The following KCND3 variants were observed in gnomAD, a reference collection of about 807,000 sequenced individuals.
KCND3 encodes potassium voltage-gated channel subfamily D member 3.
KCND3 carries 9 observed loss-of-function variants against 51.1 expected under a neutral mutation model. That is an observed-to-expected ratio of 0.18 (90% CI 0.11 to 0.31). The LOEUF (loss-of-function observed/expected upper bound fraction) is 0.31. Ranked by LOEUF, KCND3 falls within the 10% of genes least tolerant of loss-of-function variation. KCND3 has a pLI of 1.00. For missense variants in KCND3, 526 were observed against 903.8 expected, an observed-to-expected ratio of 0.58 and a Z score of 5.36; for synonymous variants, 349 against 368.0, an observed-to-expected ratio of 0.95 and a Z score of 0.59.
chr1:111,781,808 A>T (rs183419017), intron 3 of KCND3, among the ~76,000 whole-genome samples: 11 of 152,298 alleles, frequency 7.2e-5, no homozygotes, highest in Admixed American at 2.0e-4. Flanking sequence ...AACACATTAC[A>T]TATGCTGGCT....
chr1:111,879,814 T>C (rs1003138500), intron 2 of KCND3, among the ~76,000 whole-genome samples: 2 of 152,232 alleles, frequency 1.3e-5, no homozygotes, highest in Non-Finnish European at 2.9e-5. Flanking sequence ...GTTTCTGTAA[T>C]GCAGACTTGA....
At chr1:111,980,732 G>T (rs751352164) in intron 2 of KCND3, among the ~76,000 whole-genome samples, 5 of 152,128 alleles carry the variant, frequency 3.3e-5, no homozygotes, top group African/African-American at 4.8e-5. Flanking sequence ...TCCTGCTAGG[G>T]TGAAGACTGT....
intron 3 of KCND3, among the ~76,000 whole-genome samples, chr1:111,784,103 T>TCACACACACACACA (rs369429634): frequency 0.019 from 2,241 of 117,490 alleles, 29 homozygotes; most frequent in East Asian, 0.035. Context: ...CATTAACTTA[T>TCACACACACACACA]CACACACACA....
chr1:111,900,040 T>A (rs1330239518), intron 2 of KCND3, among the ~76,000 whole-genome samples: 1 of 151,736 alleles, frequency 6.6e-6, no homozygotes, highest in African/African-American at 2.4e-5. Flanking sequence ...CACACAGGAG[T>A]GCAGTGTTAG....
At position 111,810,193 on chromosome 1, in the gene KCND3, C is replaced by CT. The variant is rs138673804; in HGVS notation, c.1107-23088dup. Among the ~76,000 whole-genome samples the CT allele has an allele frequency of 9.5e-3, 1,453 of 152,316 alleles. 30 individuals carry two copies. The highest frequency in any genetic ancestry group is 0.033 in the African/African-American group (1,378 of 41,566). The stretch of plus-strand genomic sequence containing the variant: ...TATCTTGAATAAACTGGGTGAGCGA[C>CT]TGTGGCTCTTCTCACTTCTGGCTTT... On this transcript the variant is annotated intron_variant, in intron 2 of 7. Coordinates refer to ENST00000302127, the MANE Select transcript of KCND3 (RefSeq NM_001378969.1).
At chr1:111,854,699 T>A (rs1557979763) in intron 2 of KCND3, among the ~76,000 whole-genome samples, 1 of 152,178 alleles carries the variant, frequency 6.6e-6, no homozygotes, top group Non-Finnish European at 1.5e-5. Context: ...TACTAAAATA[T>A]CTCCCACATT....
At chr1:111,956,999 C>T (rs1457509069) in intron 2 of KCND3, among the ~76,000 whole-genome samples, 3 of 152,308 alleles carry the variant, frequency 2.0e-5, no homozygotes, top group Non-Finnish European at 4.4e-5. Context: ...CTGTACTCAG[C>T]GCTATGTTTA....
intron 2 of KCND3, among the ~76,000 whole-genome samples, chr1:111,950,856 G>A (rs944038627): frequency 1.3e-5 from 2 of 152,154 alleles, no homozygotes; most frequent in African/African-American, 4.8e-5. Context: ...TAGATGTTTT[G>A]TCCAGTCATT....
chr1:111,953,619 G>A (rs1437249203), intron 2 of KCND3, among the ~76,000 whole-genome samples: 1 of 152,250 alleles, frequency 6.6e-6, no homozygotes, highest in East Asian at 1.9e-4. Flanking sequence ...CTCAGGGAGA[G>A]GGCGTCACAT....
At chr1:111,883,111 AGAC>A (rs935029005) in intron 2 of KCND3, among the ~76,000 whole-genome samples, 12 of 152,244 alleles carry the variant, frequency 7.9e-5, no homozygotes, top group African/African-American at 2.7e-4. Flanking sequence ...TTGGCCTGGC[AGAC>A]AAGGCCGTTG....
chr1:111,890,869 ATCAGG>A (rs1166303852), intron 2 of KCND3, among the ~76,000 whole-genome samples: 3 of 152,214 alleles, frequency 2.0e-5, no homozygotes, highest in African/African-American at 7.2e-5. Flanking sequence ...CCTGAGAGTC[ATCAGG>A]TAAGATGAGA....
intron 2 of KCND3, among the ~76,000 whole-genome samples, chr1:111,972,812 T>C (rs890879726): frequency 2.0e-5 from 3 of 152,242 alleles, no homozygotes; most frequent in African/African-American, 4.8e-5. Context: ...CCTACTAATA[T>C]GCCTTGCAAA....
Position 111,773,638 on chromosome 1 carries a change from C to G in KCND3, c.*2439G>C, listed in dbSNP as rs1571617494. 1 of 152,030 alleles carries G rather than the reference C, an allele frequency of 6.6e-6. No homozygotes were observed. The highest frequency in any genetic ancestry group is 1.9e-4 in the East Asian group (1 of 5,176). The allele number at this position is 152,030 out of a possible 1,614,324, so 9.4% of individuals were successfully genotyped here. Reference sequence around the variant, plus strand: ...GTTTCACCATGTTGGCCAAGTTGGTCTTCAACTCCTGACTTCAGGTGATCT... The same window carrying G: ...GTTTCACCATGTTGGCCAAGTTGGTGTTCAACTCCTGACTTCAGGTGATCT... On this transcript the variant is annotated 3_prime_UTR_variant, in exon 8 of 8. Coordinates refer to ENST00000302127, the MANE Select transcript of KCND3 (RefSeq NM_001378969.1).
chr1:111,966,581 G>A (rs1461488705), intron 2 of KCND3, among the ~76,000 whole-genome samples: 2 of 152,106 alleles, frequency 1.3e-5, no homozygotes, highest in African/African-American at 2.4e-5. Context: ...TCCACCCACC[G>A]ACGGACTTCA....
At chr1:111,857,585 G>A (rs1045972806) in intron 2 of KCND3, among the ~76,000 whole-genome samples, 1 of 152,002 alleles carries the variant, frequency 6.6e-6, no homozygotes, top group Non-Finnish European at 1.5e-5. Context: ...CTATGCCTCT[G>A]ACAACCGCTT....
chr1:111,824,855 A>C (rs780340043), intron 2 of KCND3, among the ~76,000 whole-genome samples: 1 of 152,074 alleles, frequency 6.6e-6, no homozygotes, highest in Non-Finnish European at 1.5e-5. Context: ...GTTATATATA[A>C]ATCCCTAACT....
chr1:111,882,288 A>G (rs1669368502), intron 2 of KCND3, among the ~76,000 whole-genome samples: 1 of 152,244 alleles, frequency 6.6e-6, no homozygotes, highest in Admixed American at 6.5e-5. Context: ...CACTCCTCAT[A>G]GTCTAGAAGT....
At chr1:111,821,525 C>T (rs887054766) in intron 2 of KCND3, among the ~76,000 whole-genome samples, 1 of 152,224 alleles carries the variant, frequency 6.6e-6, no homozygotes, top group Non-Finnish European at 1.5e-5. Context: ...GGTTTCCCGC[C>T]TGCTCAGGAA....
intron 2 of KCND3, among the ~76,000 whole-genome samples, chr1:111,814,935 T>C (rs1666018632): frequency 6.6e-6 from 1 of 152,258 alleles, no homozygotes; most frequent in Non-Finnish European, 1.5e-5. Context: ...CTAATATTTT[T>C]ATCAAATGGC....
Sources: allele counts gnomAD v4.1 joint callset (sites outside exome capture counted in the v4.1 genomes callset), GRCh38; gene constraint gnomAD v4.1.1; transcripts MANE v1.5; gene names NCBI Gene and HGNC (gene_info 2026-07-23, HGNC 2026-07-21).